DSCAM: variants seen among roughly 807,000 people sequenced by gnomAD.
DSCAM encodes cell adhesion molecule DSCAM.
DSCAM carries 47 observed loss-of-function variants against 217.7 expected under a neutral mutation model. The ratio of observed to expected loss-of-function variants is 0.22; its 90% CI spans 0.17 to 0.28. The LOEUF (loss-of-function observed/expected upper bound fraction) is 0.28, where lower values mean the gene tolerates loss of function less well. DSCAM is among the 10% of genes least tolerant of loss of function. The probability of loss-of-function intolerance (pLI) is 1.00; values close to 1 mark genes in which losing one functional copy is unlikely to be tolerated. For synonymous variants in DSCAM, 1,056 were observed against 1,015.3 expected, an observed-to-expected ratio of 1.04 and a Z score of -0.76; for missense variants, 2,080 against 2,618.3, an observed-to-expected ratio of 0.79 and a Z score of 4.49.
At chr21:40,292,930 G>T (rs957630070) in intron 10 of DSCAM, among the ~76,000 whole-genome samples, 72 of 152,088 alleles carry the variant, frequency 4.7e-4, no homozygotes, top group African/African-American at 1.7e-3. Context: ...TAGAGACGGG[G>T]TTTCACCGTG....
At chr21:40,191,375 T>C (rs2090951055) in intron 11 of DSCAM, among the ~76,000 whole-genome samples, 1 of 152,150 alleles carries the variant, frequency 6.6e-6, no homozygotes, top group African/African-American at 2.4e-5. Context: ...GAGTCCTGCA[T>C]ATCAAGGACA....
chr21:40,532,643 G>C lies in DSCAM; in HGVS notation c.508+160167C>G, dbSNP rs1283225531. Among the ~76,000 whole-genome samples, 12 of 152,150 alleles carry C rather than the reference G, an allele frequency of 7.9e-5. No homozygotes were observed. In the East Asian group the frequency reaches 2.1e-3, roughly 27 times the overall value. ...AAGCAAGCAGGGAAAGAAGATCATG[G>C]GTGATGGGGGCATGCTGCTGATATA... On this transcript the variant is annotated intron_variant, in intron 3 of 32. Coordinates refer to ENST00000400454, the MANE Select transcript of DSCAM (RefSeq NM_001389.5).
rs559481373 is a variant in DSCAM, at chr21:40,741,275, A to G, written c.44-32504T>C. On this transcript the variant is annotated intron_variant, in intron 1 of 32. Transcript: ENST00000400454. ...GACACTTAAAAATGTCTACAGTGAA[A>G]TGCTGTTGGACAGAAGGGATACAAT... 9.2e-5 allele frequency among the ~76,000 whole-genome samples: 14 copies of G among 152,332 alleles called. No homozygotes were observed. In the South Asian group the frequency reaches 2.9e-3, roughly 32 times the overall value.
intron 3 of DSCAM, among the ~76,000 whole-genome samples, chr21:40,591,301 T>G (rs460181): frequency 0.68 from 102,849 of 152,042 alleles, 35,076 homozygotes; most frequent in African/African-American, 0.74. Context: ...AATACACTTA[T>G]AAACAACATA....
intron 15 of DSCAM, among the ~76,000 whole-genome samples, chr21:40,171,123 G>A (rs1226877096): frequency 2.0e-5 from 3 of 152,100 alleles, no homozygotes; most frequent in Non-Finnish European, 4.4e-5. Flanking sequence ...TGTCGCCCAG[G>A]CTAGAATGCA....
chr21:40,017,432 T>G (rs369624270), intron 32 of DSCAM, among the ~76,000 whole-genome samples: 1 of 152,320 alleles, frequency 6.6e-6, no homozygotes, highest in South Asian at 2.1e-4. Context: ...TGTAATTCAC[T>G]AAATGACCCC....
rs1431391187 is a variant in DSCAM, at chr21:40,080,086, A to G, written c.4420+66T>C. On this transcript the variant is annotated intron_variant, in intron 25 of 32. Transcript: ENST00000400454. ...CGTAAAACATGATGGATCTTTTATG[A>G]TTCCAATCTCCTCTTCTGGCCGGGA... The G allele has an allele frequency of 1.7e-5, 22 of 1,301,824 alleles. 2 individuals are homozygous for G. The highest frequency in any genetic ancestry group is 2.5e-4 in the Middle Eastern group (1 of 4,030). The allele number at this position is 1,301,824 out of a possible 1,614,324, so 80.6% of individuals were successfully genotyped here.
intron 3 of DSCAM, among the ~76,000 whole-genome samples, chr21:40,597,500 C>CTTTTTTTTTT (rs10530311): frequency 5.3e-5 from 4 of 75,854 alleles, no homozygotes; most frequent in African/African-American, 1.8e-4. Context: ...CAGTAATAGG[C>CTTTTTTTTTT]TTTTTTTTTT....
intron 3 of DSCAM, among the ~76,000 whole-genome samples, chr21:40,450,240 C>T (rs1363776684): frequency 6.6e-6 from 1 of 152,164 alleles, no homozygotes; most frequent in Non-Finnish European, 1.5e-5. Flanking sequence ...AAGATTCCTG[C>T]TTGCTTTGAT....
rs139949421 is a variant in DSCAM, at chr21:40,527,666, T to C, written c.509-158421A>G. Among the ~76,000 whole-genome samples, 178 of 152,328 alleles carry C rather than the reference T, an allele frequency of 1.2e-3. 2 individuals are homozygous for C. The highest frequency in any genetic ancestry group is 5.2e-4 in the Admixed American group (8 of 15,302). On this transcript the variant is annotated intron_variant, in intron 3 of 32. Transcript: ENST00000400454. ...CAATCATGAACTAGACAAATAGCCA[T>C]TGTTCTAAGCCACTAAGTTTTGAAG...
chr21:40,614,256 A>C (rs142221011), intron 3 of DSCAM, among the ~76,000 whole-genome samples: 437 of 152,288 alleles, frequency 2.9e-3, no homozygotes, highest in African/African-American at 9.9e-3. Flanking sequence ...GAGTCAAGAA[A>C]TTTTTGTTTT....
intron 11 of DSCAM, among the ~76,000 whole-genome samples, chr21:40,258,932 G>A (rs1256198553): frequency 1.3e-5 from 2 of 152,168 alleles, no homozygotes; most frequent in African/African-American, 4.8e-5. Context: ...TCCTTTGTTT[G>A]GTGTACTCTT....
At chr21:40,083,674 C>G (rs947645717) in intron 24 of DSCAM, among the ~76,000 whole-genome samples, 2 of 152,194 alleles carry the variant, frequency 1.3e-5, no homozygotes, top group Non-Finnish European at 2.9e-5. Flanking sequence ...TTTCTTGCAA[C>G]TGTTGATATT....
At chr21:40,449,003 A>G (rs1188703412) in intron 3 of DSCAM, among the ~76,000 whole-genome samples, 2 of 152,078 alleles carry the variant, frequency 1.3e-5, no homozygotes, top group African/African-American at 4.8e-5. Flanking sequence ...TGAAGAGAAA[A>G]TTATTATTAT....
chr21:40,676,941 C>T (rs1010841781), intron 3 of DSCAM, among the ~76,000 whole-genome samples: 5 of 152,092 alleles, frequency 3.3e-5, no homozygotes, highest in African/African-American at 1.2e-4. Context: ...AGCCTGGCTG[C>T]GTTCCGTTTT....
At chr21:40,284,156 A>C (rs564359129) in intron 10 of DSCAM, among the ~76,000 whole-genome samples, 13 of 152,352 alleles carry the variant, frequency 8.5e-5, no homozygotes, top group African/African-American at 3.1e-4. Flanking sequence ...AAGCAAGAAT[A>C]GCAACAGCAG....
chr21:40,047,683 C>A (rs2860103), intron 30 of DSCAM, among the ~76,000 whole-genome samples: 22,040 of 152,080 alleles, frequency 0.14, 1,928 homozygotes, highest in East Asian at 0.34. Flanking sequence ...TTGTGGAGGT[C>A]CAGCTTTACA....
At chr21:40,658,973 G>A (rs1342810712) in intron 3 of DSCAM, among the ~76,000 whole-genome samples, 1 of 152,112 alleles carries the variant, frequency 6.6e-6, no homozygotes, top group Non-Finnish European at 1.5e-5. Context: ...TCGGGCAAAT[G>A]AGGCTTCGTC....
At chr21:40,454,586 T>C (rs533848424) in intron 3 of DSCAM, among the ~76,000 whole-genome samples, 1 of 152,342 alleles carries the variant, frequency 6.6e-6, no homozygotes, top group East Asian at 1.9e-4. Flanking sequence ...AAGTGTTTAA[T>C]AGCTGCAGAG....
Sources: gnomAD v4.1 joint callset for allele counts (sites outside exome capture counted in the v4.1 genomes callset) on GRCh38, gnomAD v4.1.1 for gene constraint, MANE v1.5 for transcripts, NCBI Gene and HGNC (gene_info 2026-07-23, HGNC 2026-07-21) for gene names.